Variants in SCHIP1 observed in about 807,000 individuals in gnomAD.
SCHIP1 encodes the protein schwannomin-interacting protein 1.
Under a neutral mutation model 29.7 loss-of-function variants are expected in SCHIP1, and 8 were observed. The ratio of observed to expected loss-of-function variants is 0.27; its 90% CI spans 0.16 to 0.49. The LOEUF (loss-of-function observed/expected upper bound fraction) is 0.49. SCHIP1 is among the 20% of genes least tolerant of loss of function. The pLI is 0.99. For synonymous variants in SCHIP1, 76 were observed against 94.9 expected (o/e 0.80, Z 1.16); for missense variants, 193 against 294.6 (o/e 0.66, Z 2.52).
the SCHIP1 span, among the ~76,000 whole-genome samples, chr3:159,592,585 G>T: frequency 6.6e-6 from 1 of 151,598 alleles, no homozygotes; most frequent in Non-Finnish European, 1.5e-5. Flanking sequence ...TCCTCTCTGT[G>T]CATGCCCTCT....
At chr3:159,714,327 A>G in the SCHIP1 span, among the ~76,000 whole-genome samples, 1 of 152,216 alleles carries the variant, frequency 6.6e-6, no homozygotes, top group Non-Finnish European at 1.5e-5. Flanking sequence ...GCCACGCAGA[A>G]GATGGGTGAT....
the SCHIP1 span, among the ~76,000 whole-genome samples, chr3:159,393,350 G>C: frequency 1.3e-5 from 2 of 152,128 alleles, no homozygotes; most frequent in South Asian, 4.2e-4. Context: ...GGCTTTTCTT[G>C]CCATTGCTTT....
the SCHIP1 span, among the ~76,000 whole-genome samples, chr3:159,735,823 A>G: frequency 6.8e-4 from 103 of 152,272 alleles, 2 homozygotes; most frequent in South Asian, 0.021. Flanking sequence ...CACATAGCCC[A>G]TCTTCTAGTC....
At chr3:159,304,280 A>T in the SCHIP1 span, among the ~76,000 whole-genome samples, 1 of 152,196 alleles carries the variant, frequency 6.6e-6, no homozygotes, top group Non-Finnish European at 1.5e-5. Flanking sequence ...TTTAAAGACC[A>T]GTTAATACAT....
chr3:159,277,540 C>T, the SCHIP1 span, among the ~76,000 whole-genome samples: 1 of 150,928 alleles, frequency 6.6e-6, no homozygotes, highest in Non-Finnish European at 1.5e-5. Flanking sequence ...TTACTGACCC[C>T]TGGGCAAGGG....
chr3:159,835,985 T>G (rs1159511834), upstream of SCHIP1, among the ~76,000 whole-genome samples: 1 of 152,238 alleles, frequency 6.6e-6, no homozygotes, highest in African/African-American at 2.4e-5. Flanking sequence ...TAATTTTTCT[T>G]CCCTTAAAAC....
At chr3:159,347,500 T>C in the SCHIP1 span, among the ~76,000 whole-genome samples, 12 of 152,350 alleles carry the variant, frequency 7.9e-5, no homozygotes, top group Admixed American at 4.6e-4. Context: ...GAATAAGGGC[T>C]ACGAAAATAT....
chr3:159,886,936 A>G (rs1401726461), intron 3 of SCHIP1: 1 of 154,678 alleles, frequency 6.5e-6, no homozygotes, highest in Non-Finnish European at 1.4e-5. Context: ...AAACCATCAT[A>G]TCTGGTGAGA....
At chr3:159,383,447 A>G in the SCHIP1 span, among the ~76,000 whole-genome samples, 85 of 151,740 alleles carry the variant, frequency 5.6e-4, no homozygotes, top group Middle Eastern at 3.4e-3. Flanking sequence ...TGAGGGCTCT[A>G]TTCTGTTCCA....
At chr3:159,664,261 G>A in the SCHIP1 span, among the ~76,000 whole-genome samples, 1 of 152,120 alleles carries the variant, frequency 6.6e-6, no homozygotes, top group Non-Finnish European at 1.5e-5. Context: ...GGCAGAGGGT[G>A]GAGAGACCTA....
At chr3:159,439,307 G>A in the SCHIP1 span, among the ~76,000 whole-genome samples, 6 of 152,144 alleles carry the variant, frequency 3.9e-5, no homozygotes, top group South Asian at 1.2e-3. Context: ...AGTTGGGGAG[G>A]CTTCAGAAAA....
chr3:159,708,162 T>C, the SCHIP1 span, among the ~76,000 whole-genome samples: 3 of 152,288 alleles, frequency 2.0e-5, no homozygotes, highest in South Asian at 4.1e-4. Flanking sequence ...GGGTCCATTC[T>C]GGCAAAGGGG....
chr3:159,684,803 C>CA, the SCHIP1 span, among the ~76,000 whole-genome samples: 8,845 of 64,358 alleles, frequency 0.14, 805 homozygotes, highest in African/African-American at 0.34. Context: ...GACTCTGTTG[C>CA]AAAAAAAAAA....
At chr3:159,502,152 T>C in the SCHIP1 span, among the ~76,000 whole-genome samples, 1 of 152,200 alleles carries the variant, frequency 6.6e-6, no homozygotes, top group Non-Finnish European at 1.5e-5. Flanking sequence ...AAAGAAATCT[T>C]CTAACCAACT....
chr3:159,393,040 G>C, the SCHIP1 span, among the ~76,000 whole-genome samples: 3 of 152,152 alleles, frequency 2.0e-5, no homozygotes, highest in Non-Finnish European at 4.4e-5. Context: ...TTGTGGTTTT[G>C]GTTTGCATTT....
chr3:159,612,142 CAAAA>C, the SCHIP1 span, among the ~76,000 whole-genome samples: 1 of 151,646 alleles, frequency 6.6e-6, no homozygotes, highest in African/African-American at 2.4e-5. Flanking sequence ...AAAACTGACT[CAAAA>C]AAACTGTACT....
chr3:159,642,981 G>T, the SCHIP1 span, among the ~76,000 whole-genome samples: 2 of 152,032 alleles, frequency 1.3e-5, no homozygotes, highest in Non-Finnish European at 2.9e-5. Context: ...GAGGAGGGAG[G>T]TAAAGGTGAG....
the SCHIP1 span, among the ~76,000 whole-genome samples, chr3:159,674,576 TTCTTACATATAGGG>T: frequency 1.4e-5 from 2 of 146,190 alleles, no homozygotes; most frequent in African/African-American, 5.1e-5. Flanking sequence ...TGATCCACTG[TTCTTACATATAGGG>T]TCAGGATTAA....
At chr3:159,595,508 G>A in the SCHIP1 span, among the ~76,000 whole-genome samples, 2 of 152,074 alleles carry the variant, frequency 1.3e-5, no homozygotes, top group Admixed American at 1.3e-4. Flanking sequence ...CCTCTGAAGA[G>A]GTCTCTGCCC....
Sources: allele counts gnomAD v4.1 joint callset (sites outside exome capture counted in the v4.1 genomes callset), GRCh38; gene constraint gnomAD v4.1.1; transcripts MANE v1.5; gene names NCBI Gene and HGNC (gene_info 2026-07-23, HGNC 2026-07-21).